MICU2: variants seen among roughly 807,000 people sequenced by gnomAD.
MICU2 encodes the protein calcium uptake protein 2, mitochondrial.
MICU2 carries 64 observed loss-of-function variants against 60.4 expected under a neutral mutation model. That is an observed-to-expected ratio of 1.06 (90% CI 0.87 to 1.31). The LOEUF is 1.31. MICU2 is among the 50% of genes most tolerant of loss of function. The probability of loss-of-function intolerance (pLI) is 0.00; values close to 1 mark genes in which losing one functional copy is unlikely to be tolerated. For missense variants in MICU2, 569 were observed against 531.0 expected, an observed-to-expected ratio of 1.07 and a Z score of -0.70; for synonymous variants, 201 against 175.0, an observed-to-expected ratio of 1.15 and a Z score of -1.17.
intron 4 of MICU2, among the ~76,000 whole-genome samples, chr13:21,537,027 T>A (rs982582586): frequency 2.0e-4 from 30 of 152,232 alleles, no homozygotes; most frequent in African/African-American, 7.2e-4. Flanking sequence ...ATCCACTACA[T>A]CTGTTTTCAA....
At chr13:21,549,848 T>G (rs1395185503) in intron 2 of MICU2, among the ~76,000 whole-genome samples, 1 of 152,182 alleles carries the variant, frequency 6.6e-6, no homozygotes, top group Non-Finnish European at 1.5e-5. Flanking sequence ...CAAGTGGGAC[T>G]TTAATAGTGG....
chr13:21,600,032 C>T (rs1888780463), intron 1 of MICU2, among the ~76,000 whole-genome samples: 1 of 152,048 alleles, frequency 6.6e-6, no homozygotes, highest in Non-Finnish European at 1.5e-5. Context: ...AAATTTTTGT[C>T]GATGAAATTT....
rs1886222428 is a variant in MICU2, at chr13:21,503,214, A to G, written c.762-117T>C. 8.9e-6 allele frequency: 6 copies of G among 673,132 alleles called. No homozygotes were observed. The South Asian group carries it at 1.2e-4, about 13-fold the overall frequency. The allele number at this position is 673,132 out of a possible 1,614,324, so 41.7% of individuals were successfully genotyped here. A position where few individuals can be genotyped will look rare whatever the true frequency, so the allele number is the denominator to read the frequency against. On this transcript the variant is annotated intron_variant, in intron 8 of 11. Transcript: ENST00000382374. ...TACTGAGTGGCTGCCTCCTGATGGT[A>G]AGCAGGATGAAGCATTAGTGCTGTG...
chr13:21,546,866 A>G (rs988534551), intron 2 of MICU2, among the ~76,000 whole-genome samples: 1 of 152,238 alleles, frequency 6.6e-6, no homozygotes, highest in Non-Finnish European at 1.5e-5. Flanking sequence ...TAAACTTACT[A>G]TTAGTTCTAA....
At chr13:21,548,921 G>GTTTT (rs34908034) in intron 2 of MICU2, among the ~76,000 whole-genome samples, 6 of 86,308 alleles carry the variant, frequency 7.0e-5, no homozygotes, top group Admixed American at 1.5e-4. Context: ...AAGTTTGAGA[G>GTTTT]TTTTTTTTTT....
intron 8 of MICU2, among the ~76,000 whole-genome samples, chr13:21,505,162 T>C (rs890110718): frequency 5.9e-5 from 9 of 152,074 alleles, no homozygotes; most frequent in Non-Finnish European, 7.4e-5. Context: ...GAATAAAAAA[T>C]GAGGTCAAAT....
intron 2 of MICU2, among the ~76,000 whole-genome samples, chr13:21,558,632 T>G (rs752196284): frequency 3.9e-5 from 6 of 152,136 alleles, no homozygotes; most frequent in Non-Finnish European, 7.4e-5. Context: ...CCTCCACTTC[T>G]CACCCCACAA....
chr13:21,504,413 G>A (rs1886246735), intron 8 of MICU2, among the ~76,000 whole-genome samples: 1 of 151,988 alleles, frequency 6.6e-6, no homozygotes, highest in Non-Finnish European at 1.5e-5. Context: ...CTCTACCAGA[G>A]GCTGAAATAT....
intron 9 of MICU2, among the ~76,000 whole-genome samples, chr13:21,501,474 G>T (rs1180498353): frequency 1.3e-5 from 2 of 152,122 alleles, no homozygotes; most frequent in Non-Finnish European, 2.9e-5. Flanking sequence ...GTGTTAACCA[G>T]GATGGTCTTG....
intron 1 of MICU2, among the ~76,000 whole-genome samples, chr13:21,567,992 C>T (rs1888023539): frequency 6.6e-6 from 1 of 152,188 alleles, no homozygotes; most frequent in South Asian, 2.1e-4. Flanking sequence ...AATCTTGATA[C>T]AAGAACATAT....
chr13:21,552,122 C>T (rs1209296759), intron 2 of MICU2, among the ~76,000 whole-genome samples: 4 of 152,130 alleles, frequency 2.6e-5, no homozygotes, highest in African/African-American at 7.2e-5. Context: ...TAATGATCGC[C>T]ATTCTAACTG....
At chr13:21,515,534 C>A in intron 6 of MICU2, 1 of 434,952 alleles carries the variant, frequency 2.3e-6, no homozygotes, top group Non-Finnish European at 4.6e-6. Context: ...AAAAACCTAC[C>A]TGCCTTTCAG....
intron 8 of MICU2, among the ~76,000 whole-genome samples, chr13:21,509,376 T>C (rs1271642283): frequency 6.6e-6 from 1 of 152,226 alleles, no homozygotes; most frequent in African/African-American, 2.4e-5. Context: ...TATTTGTTAA[T>C]GTACTGTTTA....
chr13:21,577,392 T>A (rs1424443464), intron 1 of MICU2, among the ~76,000 whole-genome samples: 1 of 151,772 alleles, frequency 6.6e-6, no homozygotes, highest in African/African-American at 2.4e-5. Context: ...TGGTGGCTCA[T>A]GTCTGTAATC....
intron 1 of MICU2, among the ~76,000 whole-genome samples, chr13:21,568,000 T>A (rs1241998301): frequency 1.3e-5 from 2 of 152,152 alleles, no homozygotes; most frequent in East Asian, 3.9e-4. Context: ...TACAAGAACA[T>A]ATTATCTGTG....
chr13:21,495,937 G>T, intron 10 of MICU2, 115 bp downstream of exon 10: 1 of 669,376 alleles, frequency 1.5e-6, no homozygotes, highest in Non-Finnish European at 2.5e-6. Context: ...TGAATTAAAA[G>T]GTCAATCAAC....
chr13:21,603,949 A>G lies in MICU2; in HGVS notation c.200T>C (p.Val67Ala), dbSNP rs565680227. The G allele has an allele frequency of 9.9e-5, 160 of 1,612,334 alleles. 1 individual carries two copies. The South Asian group carries it at 1.7e-3, about 17-fold the overall frequency. ...SVAARDGSFT[V>A]SAQKNVEHGI... ...GAGTTAGTCCTGTACCTGTGCGGAG[A>G]CTGTAAAACTGCCATCCCGCGCCGC... Residue 67 changes from valine (V) to alanine (A), a missense_variant, in exon 1 of 12, where the codon GTC becomes GCC. Coordinates refer to ENST00000382374, the MANE Select transcript of MICU2 (RefSeq NM_152726.3).
intron 1 of MICU2, among the ~76,000 whole-genome samples, chr13:21,583,784 T>C (rs1052777586): frequency 2.6e-5 from 4 of 152,218 alleles, no homozygotes; most frequent in African/African-American, 4.8e-5. Flanking sequence ...CAGAGCCATA[T>C]TGAAAATGTG....
chr13:21,539,802 A>C, intron 2 of MICU2, 114 bp from the exon 3 acceptor site: 3 of 968,012 alleles, frequency 3.1e-6, no homozygotes, highest in Non-Finnish European at 3.0e-6. Flanking sequence ...TTTATTTAAA[A>C]AGCAAAGGCT....
Sources: gnomAD v4.1 joint callset for allele counts (sites outside exome capture counted in the v4.1 genomes callset) on GRCh38, gnomAD v4.1.1 for gene constraint, MANE v1.5 for transcripts, NCBI Gene and HGNC (gene_info 2026-07-23, HGNC 2026-07-21) for gene names.